Variants in TRAM1 observed in about 807,000 individuals in gnomAD.
The protein encoded by TRAM1 is translocating chain-associated membrane protein 1.
In TRAM1, 17 loss-of-function variants were observed where a neutral mutation model predicts 48.7. The observed-to-expected ratio is 0.35, with a 90% CI of 0.24 to 0.52. The LOEUF is 0.52. Ranked by LOEUF, TRAM1 falls within the 20% of genes least tolerant of loss-of-function variation. The probability of loss-of-function intolerance (pLI) is 0.94; values close to 1 mark genes in which losing one functional copy is unlikely to be tolerated. For missense variants in TRAM1, 351 were observed against 441.5 expected (o/e 0.79, Z 1.84); for synonymous variants, 182 against 154.0 (o/e 1.18, Z -1.34).
chr8:70,584,917 T>C (rs541439798), intron 8 of TRAM1, among the ~76,000 whole-genome samples: 1 of 152,212 alleles, frequency 6.6e-6, no homozygotes, highest in Non-Finnish European at 1.5e-5. Context: ...TTCACAGAAT[T>C]GGAAAAAACT....
At chr8:70,587,737 A>C (rs962108664) in intron 6 of TRAM1, 1 of 152,324 alleles carries the variant, frequency 6.6e-6, no homozygotes, top group African/African-American at 2.4e-5. Context: ...GTCCCTTGTC[A>C]GTCATTACAA....
chr8:70,601,628 A>G (rs972716813), intron 1 of TRAM1, among the ~76,000 whole-genome samples: 14 of 152,336 alleles, frequency 9.2e-5, no homozygotes, highest in African/African-American at 2.6e-4. Context: ...CGCTGAATAA[A>G]TATCAGTTAA....
At chr8:70,585,251 C>A (rs1158182305) in intron 8 of TRAM1, among the ~76,000 whole-genome samples, 2 of 152,076 alleles carry the variant, frequency 1.3e-5, no homozygotes, top group Non-Finnish European at 2.9e-5. Context: ...GGATCCCTTC[C>A]TTACACCTTA....
At chr8:70,607,503 C>T (rs1817765944) in intron 1 of TRAM1, 1 of 985,312 alleles carries the variant, frequency 1.0e-6, no homozygotes, top group Non-Finnish European at 1.2e-6. Flanking sequence ...AAAGCAGATG[C>T]CTGACTCCGG....
chr8:70,607,795 A>C, intron 1 of TRAM1: 11 of 238,862 alleles, frequency 4.6e-5, no homozygotes, highest in Non-Finnish European at 7.9e-5. Flanking sequence ...AGCCTGCGGG[A>C]GGGGGCGGCG....
chr8:70,584,659 T>C (rs1214627539), intron 8 of TRAM1, among the ~76,000 whole-genome samples: 1 of 152,200 alleles, frequency 6.6e-6, no homozygotes, highest in African/African-American at 2.4e-5. Flanking sequence ...AGCCAAATCA[T>C]GAGTGAACTC....
rs570920345 is a variant in TRAM1, at chr8:70,574,103, C to T, written c.*829G>A. On this transcript the variant is annotated 3_prime_UTR_variant, in exon 11 of 11. Transcript: ENST00000262213. ...GTTTTAAAAGTGTTTGCAGGTTAAA[C>T]TTTTCTAAGATGCTGTGCATATTAA... The T allele has an allele frequency of 3.9e-6, 1 of 254,182 alleles. No homozygotes were observed. Among genetic ancestry groups the T allele is most frequent in the African/African-American group, 2.4e-5 (1 of 42,242 alleles). The allele number at this position is 254,182 out of a possible 1,614,324, so 15.7% of individuals were successfully genotyped here. A position where few individuals can be genotyped will look rare whatever the true frequency, so the allele number is the denominator to read the frequency against.
In TRAM1 at chr8:70,598,264, C is replaced by A; in HGVS notation, c.188-9G>T. 2 of 1,596,602 alleles carry A rather than the reference C, an allele frequency of 1.3e-6. No individual in the cohort carries two copies. Among genetic ancestry groups the A allele is most frequent in the Non-Finnish European group, 8.5e-7 (1 of 1,171,982 alleles). ...TTCAGTAGCTTGTTCTTCTGAAGAC[C>A]AAAAAGGACACAAATACACAAAAAT... On this transcript the variant is annotated splice_polypyrimidine_tract_variant and intron_variant, in intron 2 of 10. Transcript: ENST00000262213.
intron 6 of TRAM1, among the ~76,000 whole-genome samples, chr8:70,590,403 C>T (rs914324085): frequency 1.3e-5 from 2 of 152,156 alleles, no homozygotes; most frequent in African/African-American, 4.8e-5. Context: ...TTAGGTGGAG[C>T]GCAGTTGTGC....
chr8:70,603,301 T>TA (rs1817645310), intron 1 of TRAM1, among the ~76,000 whole-genome samples: 1 of 39,068 alleles, frequency 2.6e-5, no homozygotes, highest in African/African-American at 1.5e-4. Context: ...ATATATGTTT[T>TA]ATACACACAC....
intron 10 of TRAM1, among the ~76,000 whole-genome samples, chr8:70,575,277 A>G (rs1287295863): frequency 1.3e-5 from 2 of 152,264 alleles, no homozygotes; most frequent in Non-Finnish European, 2.9e-5. Flanking sequence ...ATAGTATTCA[A>G]GAGAAATACC....
At chr8:70,607,179 T>C in intron 1 of TRAM1, 1 of 985,348 alleles carries the variant, frequency 1.0e-6, no homozygotes, top group Non-Finnish European at 1.2e-6. Flanking sequence ...ACGTAGGATG[T>C]TACTCGTTCA....
At position 70,586,980 on chromosome 8, in the gene TRAM1, C is replaced by G. The variant is rs201085336; in HGVS notation, c.661G>C (p.Val221Leu). The G allele has an allele frequency of 2.5e-4, 407 of 1,613,740 alleles. 2 individuals are homozygous for G. The highest frequency in any genetic ancestry group is 3.0e-5 in the Non-Finnish European group (35 of 1,179,856). The part of the protein sequence containing the change: ...YLLNLNHLGL[V>L]LLVLHYFVEF... ...ACAAAATAATGTAGCACCAGAAGAA[C>G]AAGTCCTAGATGATTCAAGCTGTTA... Residue 221 changes from valine to leucine, a missense_variant, in exon 8 of 11, where the codon GTT becomes CTT. By Grantham distance (32) the Val-to-Leu change is conservative. Transcript: ENST00000262213.
At position 70,582,782 on chromosome 8, in the gene TRAM1, T is replaced by C. The variant is rs529379487; in HGVS notation, c.1051+382A>G. On this transcript the variant is annotated intron_variant, in intron 10 of 10. Coordinates refer to ENST00000262213, the MANE Select transcript of TRAM1 (RefSeq NM_014294.6). The stretch of plus-strand genomic sequence containing the variant: ...AGTTATAAAAAAAAAGCTATTCCAC[T>C]TGGGACAAATGGGCAGATGGGAAGA... Among the ~76,000 whole-genome samples, 8 of 152,272 alleles carry C rather than the reference T, an allele frequency of 5.3e-5. No homozygotes were observed. In the South Asian group the frequency reaches 1.7e-3, roughly 32 times the overall value.
At chr8:70,605,521 G>C (rs1817700235) in intron 1 of TRAM1, among the ~76,000 whole-genome samples, 1 of 152,054 alleles carries the variant, frequency 6.6e-6, no homozygotes, top group Non-Finnish European at 1.5e-5. Flanking sequence ...CTGCACAACA[G>C]GCTTAACAGT....
chr8:70,603,366 T>C (rs913459084), intron 1 of TRAM1, among the ~76,000 whole-genome samples: 50 of 151,744 alleles, frequency 3.3e-4, no homozygotes, highest in Non-Finnish European at 5.4e-4. Flanking sequence ...TCCACATCCC[T>C]GTTTCCAGTT....
rs1437821247 is a variant in TRAM1, at chr8:70,597,813, TCTTAA to T, written c.426+77_426+81del. 6.4e-4 allele frequency: 683 copies of T among 1,064,498 alleles called. 1 individual carries two copies. The highest frequency in any genetic ancestry group is 1.7e-3 in the Admixed American group (70 of 41,200). The allele number at this position is 1,064,498 out of a possible 1,614,324, so 65.9% of individuals were successfully genotyped here. A position where few individuals can be genotyped will look rare whatever the true frequency, so the allele number is the denominator to read the frequency against. ...CCTAAAACAGATTTATCACTGAAAC[TCTTAA>T]CTTAATACTATTTCATTAGCAGAGT... On this transcript the variant is annotated intron_variant, in intron 4 of 10. Coordinates refer to ENST00000262213, the MANE Select transcript of TRAM1 (RefSeq NM_014294.6).
intron 9 of TRAM1, among the ~76,000 whole-genome samples, 157 bp downstream of exon 9, chr8:70,583,493 C>T (rs1485158194): frequency 6.6e-6 from 1 of 152,140 alleles, no homozygotes; most frequent in African/African-American, 2.4e-5. Context: ...TAGTACTTCA[C>T]TTTAGACATG....
rs555648749 is a variant in TRAM1, at chr8:70,607,542, C to A, written c.123+535G>T. 8 of 963,138 alleles carry A rather than the reference C, an allele frequency of 8.3e-6. No individual in the cohort carries two copies. In the South Asian group the frequency reaches 3.4e-4, roughly 40 times the overall value. 59.7% of individuals were successfully genotyped at this position (963,138 alleles called of 1,614,324 possible). On this transcript the variant is annotated intron_variant, in intron 1 of 10. Transcript: ENST00000262213. ...CTCGCTCACCCCAATCTCGGAGCTA[C>A]CGGGGGCTCCCCTGTCACTCGGGGC... is the stretch of plus-strand genomic sequence containing the variant.
Sources: allele counts gnomAD v4.1 joint callset (sites outside exome capture counted in the v4.1 genomes callset), GRCh38; gene constraint gnomAD v4.1.1; transcripts MANE v1.5; gene names NCBI Gene and HGNC (gene_info 2026-07-23, HGNC 2026-07-21).